Variants in DPP6 observed in about 807,000 individuals in gnomAD.
The protein encoded by DPP6 is dipeptidyl peptidase like 6, also known as A-type potassium channel modulatory protein DPP6.
DPP6 carries 69 observed loss-of-function variants against 122.6 expected under a neutral mutation model. That is an observed-to-expected ratio of 0.56 (90% CI 0.46 to 0.69). The LOEUF (loss-of-function observed/expected upper bound fraction) is 0.69. Ranked by LOEUF, DPP6 falls within the 30% of genes least tolerant of loss-of-function variation. The pLI, the probability that DPP6 is intolerant of heterozygous loss-of-function variation, is 0.00. For synonymous variants in DPP6, 418 were observed against 433.1 expected, an observed-to-expected ratio of 0.97 and a Z score of 0.43; for missense variants, 928 against 1,116.9, an observed-to-expected ratio of 0.83 and a Z score of 2.41.
In DPP6 at chr7:154,821,616, TA is replaced by T. The variant is rs139653599; in HGVS notation, c.1666+14505del. Among the ~76,000 whole-genome samples the T allele has an allele frequency of 0.5, 57,891 of 115,496 alleles. 12,345 individuals are homozygous for T. Among genetic ancestry groups the T allele is most frequent in the Middle Eastern group, 0.57 (137 of 240 alleles). The allele number at this position is 115,496 out of a possible 152,430, so 75.8% of individuals were successfully genotyped here. ...AATGTTAAGTGAATATATATATATA[TA>T]TTTTTTTTCTGTATATATATATATA... On this transcript the variant is annotated intron_variant, in intron 16 of 25. Coordinates refer to ENST00000377770, the MANE Select transcript of DPP6 (RefSeq NM_130797.4). This position sits in a 1 kb window ranked among gnomAD's most constrained non-coding sequence, Gnocchi z 4.2.
intron 1 of DPP6, among the ~76,000 whole-genome samples, chr7:154,119,174 G>C (rs184947276): frequency 6.6e-6 from 1 of 152,094 alleles, no homozygotes; most frequent in Non-Finnish European, 1.5e-5. Context: ...ATATGGTTCC[G>C]AGCTAGAGCT....
In DPP6 at chr7:154,726,306, C is replaced by T. The variant is rs868536833; in HGVS notation, c.763-1461C>T. ...GTAGAGGATCTCCATGAGGGCTTCA[C>T]CCCACAACAGACTTCTGCCTGGACT... On this transcript the variant is annotated intron_variant, in intron 7 of 25. Transcript: ENST00000377770. Among the ~76,000 whole-genome samples the T allele has an allele frequency of 3.3e-5, 5 of 152,312 alleles. No homozygotes were observed. The South Asian group carries it at 6.2e-4, about 19-fold the overall frequency.
In DPP6 at chr7:154,610,945, C is replaced by G. The variant is rs1208263484; in HGVS notation, c.628-26876C>G. On this transcript the variant is annotated intron_variant, in intron 5 of 25. Coordinates refer to ENST00000377770, the MANE Select transcript of DPP6 (RefSeq NM_130797.4). ...CTCTCACCTTTGTAAGACATTGACA[C>G]TGAATCATCTTTCCTCACTCTCAGT... Among the ~76,000 whole-genome samples the G allele has an allele frequency of 2.0e-5, 3 of 152,184 alleles. No individual in the cohort carries two copies. The South Asian group carries it at 6.2e-4, about 31-fold the overall frequency.
chr7:154,152,246 A>G (rs1585499298), intron 1 of DPP6, among the ~76,000 whole-genome samples: 1 of 151,932 alleles, frequency 6.6e-6, no homozygotes, highest in East Asian at 1.9e-4. Context: ...GAGGAGACAT[A>G]ATTTTTTCAC....
At chr7:154,565,004 G>A (rs981634407) in intron 4 of DPP6, among the ~76,000 whole-genome samples, 2 of 152,184 alleles carry the variant, frequency 1.3e-5, no homozygotes, top group Non-Finnish European at 2.9e-5. Context: ...TAGTGCTGAA[G>A]TACTGTATAG....
At chr7:154,598,328 C>T (rs1833225277) in intron 5 of DPP6, among the ~76,000 whole-genome samples, 1 of 152,214 alleles carries the variant, frequency 6.6e-6, no homozygotes, top group Admixed American at 6.5e-5. Context: ...AAGACAATTA[C>T]TGTTTGAAAC....
chr7:153,786,556 G>A, the DPP6 span, among the ~76,000 whole-genome samples: 2 of 151,202 alleles, frequency 1.3e-5, no homozygotes, highest in African/African-American at 4.9e-5. Context: ...TGGCTAACAC[G>A]TGAAACCCCG....
chr7:154,579,990 G>A (rs944027971), intron 5 of DPP6, among the ~76,000 whole-genome samples: 10 of 152,132 alleles, frequency 6.6e-5, no homozygotes, highest in Admixed American at 2.0e-4. Flanking sequence ...CCCGGAATGA[G>A]CCCCATAATC....
intron 16 of DPP6, among the ~76,000 whole-genome samples, chr7:154,814,748 C>G (rs573065922): frequency 6.6e-6 from 1 of 152,264 alleles, no homozygotes; most frequent in Admixed American, 6.5e-5. Context: ...GAATCTGTTC[C>G]ACGTTTCTCT....
At chr7:154,681,442 G>A (rs930831532) in intron 7 of DPP6, among the ~76,000 whole-genome samples, 2 of 152,222 alleles carry the variant, frequency 1.3e-5, no homozygotes, top group Non-Finnish European at 2.9e-5. Flanking sequence ...ATATAACAAG[G>A]CAGTTAGTTA....
Position 154,891,477 on chromosome 7 carries a change from C to T in DPP6, c.2452-857C>T, listed in dbSNP as rs373568319. Among the ~76,000 whole-genome samples the T allele has an allele frequency of 5.4e-4, 83 of 152,324 alleles. No homozygotes were observed. In the East Asian group the frequency reaches 0.014, roughly 26 times the overall value. On this transcript the variant is annotated intron_variant, in intron 25 of 25. Transcript: ENST00000377770. ...GTCTGTGATTATCCTCCCCACCCGACACACCTGGAATCCGAGGCTCAGGCA... is the reference window on the plus strand; with the variant it reads ...GTCTGTGATTATCCTCCCCACCCGATACACCTGGAATCCGAGGCTCAGGCA...
chr7:154,494,066 A>T (rs1011940983), intron 3 of DPP6, among the ~76,000 whole-genome samples: 11 of 152,222 alleles, frequency 7.2e-5, no homozygotes, highest in Non-Finnish European at 1.5e-4. Context: ...TTATTAAAAG[A>T]TATATTGCCG....
At chr7:154,649,354 G>A (rs1008297081) in intron 6 of DPP6, among the ~76,000 whole-genome samples, 1 of 152,234 alleles carries the variant, frequency 6.6e-6, no homozygotes, top group Non-Finnish European at 1.5e-5. Context: ...TTTGCACACA[G>A]ATTTTCATCC....
intron 5 of DPP6, among the ~76,000 whole-genome samples, chr7:154,585,884 G>T (rs1832410388): frequency 6.6e-6 from 1 of 152,184 alleles, no homozygotes; most frequent in African/African-American, 2.4e-5. Flanking sequence ...GGAGCCTACA[G>T]GAAGCTGGAG....
At chr7:154,514,814 T>C (rs1047067797) in intron 3 of DPP6, among the ~76,000 whole-genome samples, 1 of 152,220 alleles carries the variant, frequency 6.6e-6, no homozygotes, top group African/African-American at 2.4e-5. Context: ...TGGCGCCTAC[T>C]TTTTGGCCAT....
At chr7:154,884,071 T>TACACATGCTCACACACACATGCTCACCC (rs1554495911) in intron 21 of DPP6, 29,548 of 109,684 alleles carry the variant, frequency 0.27, 3,491 homozygotes, top group Middle Eastern at 0.46. Flanking sequence ...TGCTCACCCA[T>TACACATGCTCACACACACATGCTCACCC]ACACATGCTC....
intron 1 of DPP6, among the ~76,000 whole-genome samples, chr7:154,233,264 A>G (rs1184784108): frequency 6.6e-6 from 1 of 152,206 alleles, no homozygotes; most frequent in African/African-American, 2.4e-5. Flanking sequence ...GAGGGAAGGG[A>G]CTTCTGCAAG....
chr7:154,186,694 A>C (rs1798370475), intron 1 of DPP6, among the ~76,000 whole-genome samples: 1 of 152,282 alleles, frequency 6.6e-6, no homozygotes, highest in African/African-American at 2.4e-5. Flanking sequence ...CAGATGATGA[A>C]GCAAATACTC....
At chr7:153,861,724 C>A in the DPP6 span, among the ~76,000 whole-genome samples, 1 of 152,100 alleles carries the variant, frequency 6.6e-6, no homozygotes, top group Non-Finnish European at 1.5e-5. Flanking sequence ...TTCCCAGCAC[C>A]AAGATAAAGA....
Sources: gnomAD v4.1 joint callset for allele counts (sites outside exome capture counted in the v4.1 genomes callset) on GRCh38, gnomAD v4.1.1 for gene constraint, Gnocchi (gnomAD v3.1) non-coding constraint, MANE v1.5 for transcripts, NCBI Gene and HGNC (gene_info 2026-07-23, HGNC 2026-07-21) for gene names.